GAB3: variants seen among roughly 807,000 people sequenced by gnomAD.
The protein encoded by GAB3 is GRB2 associated binding protein 3.
In GAB3, 12 loss-of-function variants were observed where a neutral mutation model predicts 40.4. The observed-to-expected ratio is 0.30, with a 90% CI of 0.19 to 0.48. The LOEUF (loss-of-function observed/expected upper bound fraction) is 0.48. Among genes scored for constraint, GAB3 ranks in the 20% least tolerant of loss-of-function variants. The pLI is 0.99. For missense variants in GAB3, 381 were observed against 461.9 expected (o/e 0.82, Z 1.61); for synonymous variants, 154 against 176.7 (o/e 0.87, Z 1.02).
chrX:154,716,252 G>A lies in GAB3; in HGVS notation c.150C>T (p.Asn50=). 1 of 1,212,125 alleles carries A rather than the reference G, an allele frequency of 8.2e-7. No homozygotes were observed. The highest frequency in any genetic ancestry group is 1.1e-6 in the Non-Finnish European group (1 of 895,132). The change falls in exon 2 of 10, where the codon AAC becomes AAT. Residue 50 remains asparagine, a synonymous_variant. Transcript: ENST00000424127. ...CCCGGATGGGCTTGCTGGAGTGCTT[G>A]TTCCTGTAGTACTCCAAGACATCGG... The part of the protein sequence containing the change: ...GNPDVLEYYR[N]KHSSKPIRVI...
chrX:154,711,321 A>T (rs192728683), intron 4 of GAB3, among the ~76,000 whole-genome samples: 1 of 112,097 alleles, frequency 8.9e-6, no homozygotes, highest in East Asian at 2.8e-4. Flanking sequence ...TGAGAGATAC[A>T]GACTGATGTA....
At chrX:154,720,246 C>T (rs2071107335) in intron 1 of GAB3, among the ~76,000 whole-genome samples, 2 of 111,368 alleles carry the variant, frequency 1.8e-5, no homozygotes, top group South Asian at 7.6e-4. Flanking sequence ...TGTGTAAGTA[C>T]ACCCTGTGAT....
chrX:154,739,671 G>T (rs993655539), intron 1 of GAB3, among the ~76,000 whole-genome samples: 2 of 111,898 alleles, frequency 1.8e-5, no homozygotes, highest in African/African-American at 3.3e-5. Flanking sequence ...GTTATTTGGG[G>T]GTAAGGGTAA....
intron 4 of GAB3, among the ~76,000 whole-genome samples, chrX:154,701,463 G>A (rs969157694): frequency 1.8e-5 from 2 of 112,329 alleles, no homozygotes; most frequent in Non-Finnish European, 3.8e-5. Flanking sequence ...CAGAGTAAAG[G>A]AAGGCACTTT....
intron 1 of GAB3, among the ~76,000 whole-genome samples, chrX:154,741,511 G>A (rs1461492741): frequency 9.2e-6 from 1 of 108,935 alleles, no homozygotes; most frequent in Admixed American, 9.8e-5. Flanking sequence ...CCCCATCTCT[G>A]CTAAAAATAC....
chrX:154,697,398 T>C (rs1278502827), intron 6 of GAB3, among the ~76,000 whole-genome samples, 185 bp from the exon 7 acceptor site: 1 of 111,899 alleles, frequency 8.9e-6, no homozygotes, highest in Non-Finnish European at 1.9e-5. Flanking sequence ...ACTGAGCAAA[T>C]GGTCACATTA....
At chrX:154,701,514 G>A (rs1388545023) in intron 4 of GAB3, among the ~76,000 whole-genome samples, 5 of 112,267 alleles carry the variant, frequency 4.5e-5, no homozygotes, top group African/African-American at 1.6e-4. Context: ...TTCCTGAAAT[G>A]CCCTTGGGCC....
At chrX:154,725,315 G>C (rs782677293) in intron 1 of GAB3, among the ~76,000 whole-genome samples, 5 of 111,735 alleles carry the variant, frequency 4.5e-5, no homozygotes, top group African/African-American at 1.6e-4. Flanking sequence ...CACCTGGAAG[G>C]ACTTCCACTT....
intron 8 of GAB3, among the ~76,000 whole-genome samples, chrX:154,687,354 A>G (rs6643689): frequency 0.48 from 52,739 of 109,522 alleles, 10,969 homozygotes; most frequent in East Asian, 0.77. Context: ...GTGTTAGGCC[A>G]GGCGTGGTGG....
chrX:154,750,887 C>G (rs1557262583), intron 1 of GAB3, 67 bp downstream of exon 1: 1 of 718,619 alleles, frequency 1.4e-6, no homozygotes, highest in Non-Finnish European at 1.7e-6. Context: ...AGCGGCTCCC[C>G]GCGGCCGCCC....
chrX:154,729,901 GA>G (rs1400005720), intron 1 of GAB3, among the ~76,000 whole-genome samples: 2 of 111,743 alleles, frequency 1.8e-5, no homozygotes, highest in African/African-American at 6.5e-5. Flanking sequence ...CAAATTATTT[GA>G]AATTAAAGAA....
chrX:154,728,863 G>A (rs1557259656), intron 1 of GAB3, among the ~76,000 whole-genome samples: 2 of 112,342 alleles, frequency 1.8e-5, no homozygotes, highest in African/African-American at 6.5e-5. Context: ...ACTAAAGTAT[G>A]GCTATAAAGG....
intron 1 of GAB3, 97 bp from the exon 2 acceptor site, chrX:154,716,426 G>T (rs2071047564): frequency 6.3e-6 from 5 of 790,117 alleles, no homozygotes; most frequent in Non-Finnish European, 8.9e-6. Context: ...CAGCAGGAAG[G>T]AAACAAATCA....
intron 2 of GAB3, among the ~76,000 whole-genome samples, chrX:154,713,772 T>TATAC (rs1450708960): frequency 3.7e-5 from 3 of 81,083 alleles, no homozygotes; most frequent in African/African-American, 1.3e-4. Context: ...TATATATATA[T>TATAC]ATATATATAT....
chrX:154,713,713 C>T (rs1169671335), intron 2 of GAB3, among the ~76,000 whole-genome samples: 15 of 72,283 alleles, frequency 2.1e-4, no homozygotes, highest in South Asian at 1.9e-3. Context: ...AGCAGCCTTG[C>T]CTCATTGTTT....
At position 154,712,133 on chromosome X, in the gene GAB3, A is replaced by G. The variant is rs781910074; in HGVS notation, c.1069+96T>C. On this transcript the variant is annotated intron_variant, in intron 4 of 9. Coordinates refer to ENST00000424127, the MANE Select transcript of GAB3 (RefSeq NM_001081573.3). ...ATCAAGGTAATTCTAACCCAGCCCC[A>G]TCGTTTTGGTCCATTGGCATGACCT... is the stretch of plus-strand genomic sequence containing the variant. 1.4e-3 allele frequency: 851 copies of G among 599,039 alleles called. 5 individuals are homozygous for G. Among genetic ancestry groups the G allele is most frequent in the Non-Finnish European group, 2.0e-3 (747 of 380,350 alleles). 49.4% of individuals were successfully genotyped at this position (599,039 alleles called of 1,213,427 possible).
At chrX:154,734,433 G>A (rs188983596) in intron 1 of GAB3, among the ~76,000 whole-genome samples, 12 of 112,955 alleles carry the variant, frequency 1.1e-4, no homozygotes, top group South Asian at 7.2e-4. Flanking sequence ...ATATGAGTAA[G>A]TCAAACAAAT....
intron 1 of GAB3, among the ~76,000 whole-genome samples, chrX:154,739,745 T>G (rs1557260980): frequency 8.9e-6 from 1 of 112,290 alleles, no homozygotes; most frequent in Non-Finnish European, 1.9e-5. Flanking sequence ...TATTTTTTAA[T>G]TTTTGAAACA....
intron 4 of GAB3, among the ~76,000 whole-genome samples, chrX:154,708,695 A>G (rs1402220242): frequency 4.5e-5 from 5 of 112,213 alleles, no homozygotes; most frequent in African/African-American, 3.2e-5. Flanking sequence ...GCTAATATCA[A>G]AAAAGACAAG....
Sources: gnomAD v4.1 joint callset for allele counts (sites outside exome capture counted in the v4.1 genomes callset) on GRCh38, gnomAD v4.1.1 for gene constraint, MANE v1.5 for transcripts, NCBI Gene and HGNC (gene_info 2026-07-23, HGNC 2026-07-21) for gene names.